Variants in TBC1D9 observed in about 807,000 individuals in gnomAD.
TBC1D9 encodes TBC1 domain family member 9A.
In TBC1D9, 63 loss-of-function variants were observed where a neutral mutation model predicts 132.0. The ratio of observed to expected loss-of-function variants is 0.48; its 90% CI spans 0.39 to 0.59. The LOEUF (loss-of-function observed/expected upper bound fraction) is 0.59. Among genes scored for constraint, TBC1D9 ranks in the 20% least tolerant of loss-of-function variants. The probability of loss-of-function intolerance (pLI) is 0.00; values close to 1 mark genes in which losing one functional copy is unlikely to be tolerated. For synonymous variants in TBC1D9, 610 were observed against 609.9 expected, an observed-to-expected ratio of 1.00 and a Z score of 0.00; for missense variants, 1,261 against 1,592.7, an observed-to-expected ratio of 0.79 and a Z score of 3.54.
chr4:140,752,501 C>T (rs1738941784), intron 1 of TBC1D9, among the ~76,000 whole-genome samples: 1 of 152,042 alleles, frequency 6.6e-6, no homozygotes, highest in South Asian at 2.1e-4. Flanking sequence ...GGCTGAGAAT[C>T]ACAAGGGGGC....
rs1343570247 is a variant in TBC1D9 at position 140,709,709 on chromosome 4, T to C, written c.131-8095A>G. ...GGTTTCATGGAAGACAATTTTTCCA[T>C]GGACCAGAGTTGGGGGTGGGGTGGT... On this transcript the variant is annotated intron_variant, in intron 1 of 20. Coordinates refer to ENST00000442267, the MANE Select transcript of TBC1D9 (RefSeq NM_015130.3). Among the ~76,000 whole-genome samples, 17 of 152,296 alleles carry C rather than the reference T, an allele frequency of 1.1e-4. No individual in the cohort carries two copies. The East Asian group carries it at 3.3e-3, about 29-fold the overall frequency.
chr4:140,745,892 C>A (rs1738829104), intron 1 of TBC1D9, among the ~76,000 whole-genome samples: 1 of 152,164 alleles, frequency 6.6e-6, no homozygotes, highest in Non-Finnish European at 1.5e-5. Context: ...ACCTCCTAAC[C>A]AGTCAGGGCT....
At chr4:140,673,991 T>G (rs1284314375) in intron 6 of TBC1D9, among the ~76,000 whole-genome samples, 1 of 152,220 alleles carries the variant, frequency 6.6e-6, no homozygotes, top group Non-Finnish European at 1.5e-5. Context: ...TCCCTCTGGA[T>G]AAACTGAGAG....
Position 140,687,346 on chromosome 4 carries a change from A to G in TBC1D9, c.242-884T>C, listed in dbSNP as rs1293441103. On this transcript the variant is annotated intron_variant, in intron 2 of 20. Transcript: ENST00000442267. ...ATGTGTGTGTGTGTGTGTGTGTCAT[A>G]TATATATATATATATATATATATAT... Among the ~76,000 whole-genome samples the G allele has an allele frequency of 2.9e-3, 37 of 12,702 alleles. 1 individual carries two copies. The highest frequency in any genetic ancestry group is 0.017 in the African/African-American group (26 of 1,496). The allele number at this position is 12,702 out of a possible 152,430, so 8.3% of individuals were successfully genotyped here.
chr4:140,624,409 A>T, intron 18 of TBC1D9, 21 bp from the exon 19 acceptor site: 1 of 1,589,486 alleles, frequency 6.3e-7, no homozygotes, highest in Non-Finnish European at 8.6e-7. Flanking sequence ...ATGGTTCAGA[A>T]GAAAAAAGTA....
intron 6 of TBC1D9, 95 bp downstream of exon 6, chr4:140,676,799 T>C (rs1737631482): frequency 1.3e-6 from 2 of 1,499,944 alleles, no homozygotes; most frequent in Non-Finnish European, 1.8e-6. Context: ...TCACCTGTGT[T>C]CAAAAGCCAA....
At chr4:140,755,892 G>A (rs752134662) in intron 1 of TBC1D9, 24 bp downstream of exon 1, 217 of 1,525,818 alleles carry the variant, frequency 1.4e-4, no homozygotes, top group Non-Finnish European at 1.8e-4. Context: ...CTCCCCTCCT[G>A]CAGGGATCGG....
chr4:140,714,844 G>A (rs1738305147), intron 1 of TBC1D9, among the ~76,000 whole-genome samples: 4 of 152,144 alleles, frequency 2.6e-5, no homozygotes. Context: ...AGTCTGTTTT[G>A]GAGCAGGCAT....
Position 140,662,105 on chromosome 4 carries a change from C to A in TBC1D9, c.1591G>T (p.Ala531Ser), listed in dbSNP as rs1266999123. The stretch of plus-strand genomic sequence containing the variant: ...GGATGTGTGGCCTTCTCATTGATGG[C>A]ACCTGAGATATATCCAACAGATACA... ...RGELWLLLSG[A>S]INEKATHPGY... Residue 531 changes from alanine to serine, a missense_variant and splice_region_variant, in exon 10 of 21, where the codon GCC becomes TCC. Physicochemically the swap from Ala to Ser is moderately conservative, Grantham distance 99. Transcript: ENST00000442267. 4 of 1,612,738 alleles carry A rather than the reference C, an allele frequency of 2.5e-6. No homozygotes were observed. The East Asian group carries it at 8.9e-5, about 36-fold the overall frequency.
intron 1 of TBC1D9, among the ~76,000 whole-genome samples, chr4:140,727,208 A>T (rs1738515559): frequency 6.6e-6 from 1 of 152,232 alleles, no homozygotes; most frequent in Non-Finnish European, 1.5e-5. Flanking sequence ...CCATCTAATT[A>T]TCTGTAATTT....
At chr4:140,719,910 C>T (rs1438202633) in intron 1 of TBC1D9, among the ~76,000 whole-genome samples, 1 of 152,128 alleles carries the variant, frequency 6.6e-6, no homozygotes, top group African/African-American at 2.4e-5. Flanking sequence ...GCATTAAGAA[C>T]CTGGGTGGAA....
intron 1 of TBC1D9, among the ~76,000 whole-genome samples, chr4:140,754,168 C>T (rs547771172): frequency 6.6e-6 from 1 of 152,292 alleles, no homozygotes; most frequent in Non-Finnish European, 1.5e-5. Context: ...AAAAAGAAGG[C>T]TCTGAATCCC....
chr4:140,713,766 A>AT (rs1164742253), intron 1 of TBC1D9, among the ~76,000 whole-genome samples: 1 of 150,410 alleles, frequency 6.6e-6, no homozygotes, highest in South Asian at 2.1e-4. Context: ...AAAAAACTAT[A>AT]TTTTTTAAAG....
chr4:140,747,478 A>G lies in TBC1D9; in HGVS notation c.130+8438T>C, dbSNP rs982594207. Among the ~76,000 whole-genome samples the G allele has an allele frequency of 5.9e-5, 9 of 152,218 alleles. No homozygotes were observed. The South Asian group carries it at 1.7e-3, about 28-fold the overall frequency. On this transcript the variant is annotated intron_variant, in intron 1 of 20. Coordinates refer to ENST00000442267, the MANE Select transcript of TBC1D9 (RefSeq NM_015130.3). Reference sequence around the variant, plus strand: ...TCTACATACTGAGGATAATAATAGCATCTACCTTATAATGTCAGATAAGAT... The same window carrying G: ...TCTACATACTGAGGATAATAATAGCGTCTACCTTATAATGTCAGATAAGAT...
At chr4:140,677,705 C>T (rs1282986691) in intron 5 of TBC1D9, among the ~76,000 whole-genome samples, 2 of 152,158 alleles carry the variant, frequency 1.3e-5, no homozygotes, top group African/African-American at 4.8e-5. Context: ...TGACATCAGC[C>T]TCGTGATGGT....
Position 140,621,991 on chromosome 4 carries a change from C to A in TBC1D9, c.*204G>T, listed in dbSNP as rs570476713. Reference sequence around the variant, plus strand: ...TGTATTCTGGTAAATCCCCTCCCCGCAACAAGAGTGTAATGTACCTACATT... The same window carrying A: ...TGTATTCTGGTAAATCCCCTCCCCGAAACAAGAGTGTAATGTACCTACATT... On this transcript the variant is annotated 3_prime_UTR_variant, in exon 21 of 21. Transcript: ENST00000442267. 3.1e-6 allele frequency: 2 copies of A among 638,518 alleles called. No homozygotes were observed. Among genetic ancestry groups the A allele is most frequent in the East Asian group, 6.2e-5 (2 of 32,276 alleles). 39.6% of individuals were successfully genotyped at this position (638,518 alleles called of 1,614,324 possible).
chr4:140,652,950 A>G (rs1280315463), intron 13 of TBC1D9, among the ~76,000 whole-genome samples: 2 of 152,174 alleles, frequency 1.3e-5, no homozygotes, highest in African/African-American at 2.4e-5. Context: ...ATAGCTGTGT[A>G]CCCACTTTAA....
intron 2 of TBC1D9, among the ~76,000 whole-genome samples, chr4:140,692,978 C>G (rs558861760): frequency 5.3e-5 from 8 of 151,918 alleles, no homozygotes; most frequent in Non-Finnish European, 1.0e-4. Flanking sequence ...TGTGATTGTG[C>G]TACTGCACTC....
intron 1 of TBC1D9, among the ~76,000 whole-genome samples, chr4:140,736,440 T>C (rs759706779): frequency 7.9e-5 from 12 of 151,846 alleles, no homozygotes; most frequent in Non-Finnish European, 1.3e-4. Flanking sequence ...ACTTGGAAGT[T>C]TGAGACAGGA....
Sources: gnomAD v4.1 joint callset for allele counts (sites outside exome capture counted in the v4.1 genomes callset) on GRCh38, gnomAD v4.1.1 for gene constraint, MANE v1.5 for transcripts, NCBI Gene and HGNC (gene_info 2026-07-23, HGNC 2026-07-21) for gene names.